Variants in NPAS3 observed in about 807,000 individuals in gnomAD.
NPAS3 encodes the protein neuronal PAS domain-containing protein 3.
Under a neutral mutation model 73.1 loss-of-function variants are expected in NPAS3, and 14 were observed. The observed-to-expected ratio is 0.19, with a 90% CI of 0.13 to 0.30. The LOEUF (loss-of-function observed/expected upper bound fraction) is 0.30. NPAS3 is among the 10% of genes least tolerant of loss of function. The pLI is 1.00. For missense variants in NPAS3, 1,096 were observed against 1,250.0 expected (o/e 0.88, Z 1.86); for synonymous variants, 620 against 541.5 (o/e 1.14, Z -2.01).
intron 11 of NPAS3, 90 bp from the exon 12 acceptor site, chr14:33,799,644 C>T (rs1433022197): frequency 5.0e-6 from 7 of 1,398,842 alleles, no homozygotes; most frequent in Non-Finnish European, 5.8e-6. Flanking sequence ...CCAGCCCCTG[C>T]AGGTGACAGG....
chr14:33,604,130 A>G (rs1013570626), intron 5 of NPAS3, among the ~76,000 whole-genome samples: 1 of 152,128 alleles, frequency 6.6e-6, no homozygotes, highest in Non-Finnish European at 1.5e-5. Flanking sequence ...AATAGAAAAC[A>G]CATGGCAAGA....
At chr14:32,944,899 T>C (rs1297816380) in intron 1 of NPAS3, among the ~76,000 whole-genome samples, 1 of 151,900 alleles carries the variant, frequency 6.6e-6, no homozygotes, top group African/African-American at 2.4e-5. Context: ...GATGAAGATC[T>C]TATGTTACTA....
chr14:33,453,721 T>C (rs2049902982), intron 4 of NPAS3, among the ~76,000 whole-genome samples: 2 of 152,264 alleles, frequency 1.3e-5, no homozygotes, highest in South Asian at 4.1e-4. Context: ...AGTTTACTTT[T>C]GCATTGTTGA....
chr14:33,370,572 T>C (rs1257936009), intron 4 of NPAS3, among the ~76,000 whole-genome samples: 1 of 152,082 alleles, frequency 6.6e-6, no homozygotes, highest in Non-Finnish European at 1.5e-5. Context: ...TATGCAGCAG[T>C]GACAAGAGAA....
At chr14:33,035,780 T>C (rs2040145829) in intron 1 of NPAS3, among the ~76,000 whole-genome samples, 1 of 152,126 alleles carries the variant, frequency 6.6e-6, no homozygotes, top group African/African-American at 2.4e-5. Context: ...CCATTTGTGT[T>C]TTGCCCTCCT....
intron 2 of NPAS3, among the ~76,000 whole-genome samples, chr14:33,169,085 C>A (rs896604183): frequency 5.9e-5 from 9 of 152,148 alleles, no homozygotes; most frequent in Non-Finnish European, 1.2e-4. Context: ...GCATAAGAAT[C>A]CATAATGGAA....
intron 3 of NPAS3, among the ~76,000 whole-genome samples, chr14:33,316,320 T>C (rs1594674137): frequency 1.3e-5 from 2 of 152,164 alleles, no homozygotes; most frequent in East Asian, 1.9e-4. Flanking sequence ...GAAATAGATA[T>C]CACCTTGGAA....
intron 7 of NPAS3, among the ~76,000 whole-genome samples, chr14:33,766,840 T>C (rs2062478820): frequency 6.6e-6 from 1 of 152,200 alleles, no homozygotes. Flanking sequence ...ACCCCCTCCC[T>C]GGATCTCACT....
chr14:33,268,616 T>A (rs189288905), intron 3 of NPAS3, among the ~76,000 whole-genome samples: 6 of 152,312 alleles, frequency 3.9e-5, no homozygotes, highest in African/African-American at 1.2e-4. Flanking sequence ...GAGGAACTTA[T>A]CAGTCAGCTA....
At chr14:33,061,585 T>C (rs904283182) in intron 2 of NPAS3, among the ~76,000 whole-genome samples, 8 of 152,196 alleles carry the variant, frequency 5.3e-5, no homozygotes, top group Admixed American at 3.9e-4. Flanking sequence ...GTAGCATATG[T>C]TGGTAATGTG....
intron 6 of NPAS3, among the ~76,000 whole-genome samples, chr14:33,682,999 G>C (rs2059982252): frequency 1.3e-5 from 2 of 152,138 alleles, no homozygotes; most frequent in South Asian, 2.1e-4. Flanking sequence ...CCTCCCTTTT[G>C]TTCCCAGAGA....
intron 1 of NPAS3, among the ~76,000 whole-genome samples, chr14:32,940,502 C>T (rs1417616216): frequency 6.6e-6 from 1 of 152,204 alleles, no homozygotes; most frequent in African/African-American, 2.4e-5. Flanking sequence ...ATATCTCTTT[C>T]TGTCTCCGAA....
chr14:33,788,734 A>C (rs2063255660), intron 9 of NPAS3, among the ~76,000 whole-genome samples: 1 of 152,008 alleles, frequency 6.6e-6, no homozygotes. Flanking sequence ...GGCTTCCTTT[A>C]TGTCCTTTCA....
At chr14:33,661,933 C>T (rs1465087210) in intron 5 of NPAS3, among the ~76,000 whole-genome samples, 2 of 152,182 alleles carry the variant, frequency 1.3e-5, no homozygotes, top group Admixed American at 6.5e-5. Context: ...CTTCTGTTGG[C>T]TTTTAAGGCA....
intron 5 of NPAS3, among the ~76,000 whole-genome samples, chr14:33,607,945 T>C (rs1257844818): frequency 1.3e-5 from 2 of 152,066 alleles, no homozygotes; most frequent in East Asian, 1.9e-4. Flanking sequence ...ATCATGGGAA[T>C]AGCGTGGGGG....
At chr14:33,368,155 G>T (rs2045925288) in intron 4 of NPAS3, among the ~76,000 whole-genome samples, 1 of 152,022 alleles carries the variant, frequency 6.6e-6, no homozygotes. Flanking sequence ...AAACTTTGGA[G>T]TAAAATAAAA....
At chr14:33,552,797 TA>T (rs1175452903) in intron 4 of NPAS3, among the ~76,000 whole-genome samples, 2 of 152,134 alleles carry the variant, frequency 1.3e-5, no homozygotes, top group Non-Finnish European at 2.9e-5. Flanking sequence ...ATGTATTGTT[TA>T]TATTACTTCT....
intron 4 of NPAS3, among the ~76,000 whole-genome samples, chr14:33,555,713 A>G (rs75133236): frequency 0.014 from 2,080 of 152,324 alleles, 45 homozygotes; most frequent in African/African-American, 0.047. Flanking sequence ...ATCAGAAGGT[A>G]GTGGCTATGA....
At chr14:33,567,317 G>A (rs1425683528) in intron 5 of NPAS3, among the ~76,000 whole-genome samples, 1 of 152,188 alleles carries the variant, frequency 6.6e-6, no homozygotes, top group African/African-American at 2.4e-5. Flanking sequence ...AAGATTTGCT[G>A]CAGTCTCATG....
Sources: gnomAD v4.1 joint callset for allele counts (sites outside exome capture counted in the v4.1 genomes callset) on GRCh38, gnomAD v4.1.1 for gene constraint, MANE v1.5 for transcripts, NCBI Gene and HGNC (gene_info 2026-07-23, HGNC 2026-07-21) for gene names.